Variants in PCDH9 observed in about 807,000 individuals in gnomAD.
The protein encoded by PCDH9 is protocadherin-9.
Under a neutral mutation model 70.6 loss-of-function variants are expected in PCDH9, and 24 were observed. The ratio of observed to expected loss-of-function variants is 0.34; its 90% CI spans 0.25 to 0.48. The LOEUF (loss-of-function observed/expected upper bound fraction) is 0.48, where lower values mean the gene tolerates loss of function less well. Among genes scored for constraint, PCDH9 ranks in the 20% least tolerant of loss-of-function variants. The pLI, the probability that PCDH9 is intolerant of heterozygous loss-of-function variation, is 0.99. For missense variants in PCDH9, 1,281 were observed against 1,503.6 expected (o/e 0.85, Z 2.45); for synonymous variants, 562 against 558.5 (o/e 1.01, Z -0.09).
intron 2 of PCDH9, among the ~76,000 whole-genome samples, chr13:67,030,431 T>C (rs1323081737): frequency 6.6e-6 from 1 of 151,980 alleles, no homozygotes; most frequent in East Asian, 1.9e-4. Context: ...CTCAAACTTA[T>C]TCCTTCTACC....
chr13:66,482,508 A>C (rs543156951), intron 4 of PCDH9, among the ~76,000 whole-genome samples: 1 of 152,330 alleles, frequency 6.6e-6, no homozygotes, highest in East Asian at 1.9e-4. Context: ...CAGTGTCTCA[A>C]AAAATAGAAT....
chr13:67,042,467 A>G (rs369287274), intron 2 of PCDH9, among the ~76,000 whole-genome samples: 1 of 152,228 alleles, frequency 6.6e-6, no homozygotes, highest in East Asian at 1.9e-4. Context: ...AGAATATAAA[A>G]CTAGAAATCA....
chr13:66,859,777 G>A lies in PCDH9; in HGVS notation c.3138+43727C>T, dbSNP rs140580793. 1.2e-4 allele frequency among the ~76,000 whole-genome samples: 19 copies of A among 152,190 alleles called. No individual in the cohort carries two copies. The East Asian group carries it at 3.1e-3, about 25-fold the overall frequency. ...TATAATCCATGAAGAAGGTACATGC[G>A]GAGAATTCATGCTGGTGTCATTGTC... On this transcript the variant is annotated intron_variant, in intron 3 of 4. Coordinates refer to ENST00000377865, the MANE Select transcript of PCDH9 (RefSeq NM_203487.3).
intron 3 of PCDH9, among the ~76,000 whole-genome samples, chr13:66,804,507 A>C (rs1395541113): frequency 1.3e-5 from 2 of 152,182 alleles, no homozygotes; most frequent in Non-Finnish European, 2.9e-5. Flanking sequence ...ATAGTTTCAC[A>C]AGCACTGTAA....
At chr13:66,615,157 T>C (rs2077340352) in intron 4 of PCDH9, among the ~76,000 whole-genome samples, 1 of 152,224 alleles carries the variant, frequency 6.6e-6, no homozygotes, top group Non-Finnish European at 1.5e-5. Context: ...AGATATTTAA[T>C]AATGTTAGCA....
At chr13:66,890,107 G>T (rs2082071676) in intron 3 of PCDH9, among the ~76,000 whole-genome samples, 1 of 152,082 alleles carries the variant, frequency 6.6e-6, no homozygotes, top group South Asian at 2.1e-4. Context: ...TATTAGGTTT[G>T]TAAATTATCA....
intron 3 of PCDH9, among the ~76,000 whole-genome samples, chr13:66,862,935 TAA>T (rs2081508387): frequency 6.6e-6 from 1 of 152,078 alleles, no homozygotes; most frequent in Non-Finnish European, 1.5e-5. Context: ...TTTGGGAAAA[TAA>T]AAATTTGTGT....
intron 2 of PCDH9, among the ~76,000 whole-genome samples, chr13:67,170,330 A>G (rs1479615902): frequency 1.3e-5 from 2 of 152,196 alleles, no homozygotes; most frequent in East Asian, 3.8e-4. Flanking sequence ...AATGGAGATA[A>G]TAATTATTTT....
At chr13:66,779,851 A>G (rs61546419) in intron 3 of PCDH9, among the ~76,000 whole-genome samples, 2,636 of 37,842 alleles carry the variant, frequency 0.07, 107 homozygotes, top group African/African-American at 0.18. Flanking sequence ...CTCTCTCTCT[A>G]TATATATATA....
Position 66,472,847 on chromosome 13 carries a change from T to C in PCDH9, c.3340+158363A>G, listed in dbSNP as rs1354031689. Among the ~76,000 whole-genome samples, 4 of 152,264 alleles carry C rather than the reference T, an allele frequency of 2.6e-5. No homozygotes were observed. The East Asian group carries it at 7.7e-4, about 29-fold the overall frequency. On this transcript the variant is annotated intron_variant, in intron 4 of 4. Transcript: ENST00000377865. Reference sequence around the variant, plus strand: ...AATCAAGAATTTATATATCCTATACTGTAAAATAAGTAATCTATGTGTTGT... The same window carrying C: ...AATCAAGAATTTATATATCCTATACCGTAAAATAAGTAATCTATGTGTTGT...
At chr13:66,311,159 T>A (rs1222505490) in intron 4 of PCDH9, among the ~76,000 whole-genome samples, 1 of 152,126 alleles carries the variant, frequency 6.6e-6, no homozygotes, top group Non-Finnish European at 1.5e-5. Flanking sequence ...CAGCTATTGA[T>A]ATGCTCAGCA....
At chr13:66,430,778 G>C (rs1033515324) in intron 4 of PCDH9, among the ~76,000 whole-genome samples, 1 of 152,046 alleles carries the variant, frequency 6.6e-6, no homozygotes, top group African/African-American at 2.4e-5. Context: ...TTGAAATGCA[G>C]TGTGATAAGA....
intron 3 of PCDH9, among the ~76,000 whole-genome samples, chr13:66,877,800 T>C (rs1489903196): frequency 6.6e-6 from 1 of 152,200 alleles, no homozygotes; most frequent in East Asian, 1.9e-4. Flanking sequence ...TTTTCTCTGG[T>C]GGGTGGCTCC....
chr13:66,316,784 G>A (rs1445757522), intron 4 of PCDH9, among the ~76,000 whole-genome samples: 8 of 152,152 alleles, frequency 5.3e-5, no homozygotes, highest in Non-Finnish European at 5.9e-5. Context: ...GTAAAATGGC[G>A]TGATCTTGGC....
intron 2 of PCDH9, among the ~76,000 whole-genome samples, chr13:67,124,709 C>T (rs2086942424): frequency 6.6e-6 from 1 of 152,120 alleles, no homozygotes; most frequent in African/African-American, 2.4e-5. Context: ...GATCATTGAC[C>T]TCACAAGACA....
At chr13:67,107,309 A>C (rs72481754) in intron 2 of PCDH9, among the ~76,000 whole-genome samples, 5 of 152,084 alleles carry the variant, frequency 3.3e-5, no homozygotes, top group African/African-American at 1.2e-4. Flanking sequence ...CAGGTGGAGC[A>C]GGCAGCCCCA....
At chr13:66,740,579 G>C (rs200801214) in intron 3 of PCDH9, among the ~76,000 whole-genome samples, 1 of 146,496 alleles carries the variant, frequency 6.8e-6, no homozygotes, top group Non-Finnish European at 1.5e-5. Context: ...ATCACCAAAA[G>C]TGATAGGCCG....
intron 2 of PCDH9, among the ~76,000 whole-genome samples, chr13:67,161,775 G>T (rs1476451365): frequency 6.6e-6 from 1 of 152,150 alleles, no homozygotes; most frequent in Non-Finnish European, 1.5e-5. Flanking sequence ...GAGAATAATA[G>T]AAAAGGAGAC....
chr13:66,636,659 T>G (rs1349614423), intron 3 of PCDH9, among the ~76,000 whole-genome samples: 1 of 152,146 alleles, frequency 6.6e-6, no homozygotes, highest in Non-Finnish European at 1.5e-5. Context: ...GTGGAAACAT[T>G]GTACCTAATT....
Sources: gnomAD v4.1 joint callset for allele counts (sites outside exome capture counted in the v4.1 genomes callset) on GRCh38, gnomAD v4.1.1 for gene constraint, MANE v1.5 for transcripts, NCBI Gene and HGNC (gene_info 2026-07-23, HGNC 2026-07-21) for gene names.